WDR1: variants seen among roughly 807,000 people sequenced by gnomAD.
WDR1 encodes the protein WD repeat domain 1.
In WDR1, 21 loss-of-function variants were observed where a neutral mutation model predicts 71.9. That is an observed-to-expected ratio of 0.29 (90% CI 0.21 to 0.42). WDR1 has a LOEUF of 0.42. Among genes scored for constraint, WDR1 ranks in the 10% least tolerant of loss-of-function variants. The probability of loss-of-function intolerance (pLI) is 1.00; values close to 1 mark genes in which losing one functional copy is unlikely to be tolerated. For missense variants in WDR1, 696 were observed against 824.5 expected (o/e 0.84, Z 1.91); for synonymous variants, 424 against 347.4 (o/e 1.22, Z -2.45).
chr4:10,100,825 C>T (rs1205818555), intron 3 of WDR1, among the ~76,000 whole-genome samples: 1 of 152,226 alleles, frequency 6.6e-6, no homozygotes, highest in South Asian at 2.1e-4. Flanking sequence ...CGGAGGGGAG[C>T]ACTGTGTGTG....
chr4:10,078,786 C>A, intron 12 of WDR1, 105 bp downstream of exon 12: 1 of 968,450 alleles, frequency 1.0e-6, no homozygotes, highest in South Asian at 1.7e-5. Flanking sequence ...TTCCCCTGAC[C>A]CCTCGCCTTC....
At chr4:10,098,126 G>C (rs1476777917) in intron 4 of WDR1, among the ~76,000 whole-genome samples, 1 of 152,126 alleles carries the variant, frequency 6.6e-6, no homozygotes, top group Non-Finnish European at 1.5e-5. Flanking sequence ...TCGGGAAGGG[G>C]ATGCATGTGT....
At chr4:10,110,489 G>GA (rs1713283678) in intron 2 of WDR1, among the ~76,000 whole-genome samples, 1 of 152,216 alleles carries the variant, frequency 6.6e-6, no homozygotes, top group Non-Finnish European at 1.5e-5. Context: ...GGAGGCCACA[G>GA]TGGGGCTGAG....
chr4:10,105,552 G>A (rs967644137), intron 2 of WDR1, among the ~76,000 whole-genome samples: 1 of 152,160 alleles, frequency 6.6e-6, no homozygotes, highest in African/African-American at 2.4e-5. Context: ...GGAAATGCAA[G>A]TCAAAACTAC....
chr4:10,082,737 G>T (rs1057325315), intron 10 of WDR1, among the ~76,000 whole-genome samples: 1 of 152,208 alleles, frequency 6.6e-6, no homozygotes, highest in Non-Finnish European at 1.5e-5. Flanking sequence ...GGGAGAGACC[G>T]CAGCAGGTTC....
chr4:10,078,761 C>T (rs1027471466), intron 12 of WDR1, 130 bp downstream of exon 12: 22 of 746,582 alleles, frequency 2.9e-5, no homozygotes, highest in South Asian at 7.6e-5. Context: ...TCCCACGCCC[C>T]GACTGCCCCC....
chr4:10,092,721 G>A (rs1712075299), intron 5 of WDR1: 4 of 249,082 alleles, frequency 1.6e-5, no homozygotes, highest in Non-Finnish European at 2.5e-5. Flanking sequence ...CAAAAAAAGC[G>A]AGGGCTAAAA....
intron 5 of WDR1, chr4:10,092,376 C>A (rs1712047262): frequency 6.6e-6 from 1 of 152,422 alleles, no homozygotes; most frequent in Non-Finnish European, 1.5e-5. Flanking sequence ...TCCCTGAGGT[C>A]AAAACATGGA....
At chr4:10,112,651 G>C (rs1713456657) in intron 2 of WDR1, among the ~76,000 whole-genome samples, 1 of 152,204 alleles carries the variant, frequency 6.6e-6, no homozygotes, top group Non-Finnish European at 1.5e-5. Context: ...TCGCCTCTTA[G>C]GTATGAAAGG....
intron 5 of WDR1, chr4:10,094,555 CCT>C (rs1387959353): frequency 1.3e-5 from 2 of 152,190 alleles, no homozygotes; most frequent in African/African-American, 4.8e-5. Flanking sequence ...ACGGTCAGAC[CCT>C]CTGAGGGGAA....
intron 5 of WDR1, among the ~76,000 whole-genome samples, chr4:10,095,333 T>A (rs1290125651): frequency 1.3e-5 from 2 of 152,252 alleles, no homozygotes; most frequent in Non-Finnish European, 2.9e-5. Context: ...GGTTTTAAAA[T>A]CTTTTACTAT....
intron 2 of WDR1, among the ~76,000 whole-genome samples, chr4:10,110,875 TA>T (rs1470991525): frequency 6.6e-6 from 1 of 152,216 alleles, no homozygotes; most frequent in African/African-American, 2.4e-5. Context: ...CGTTGCCAGA[TA>T]TCCCTCAGGG....
Position 10,116,719 on chromosome 4 carries a change from C to G in WDR1, c.-53G>C, listed in dbSNP as rs1448823738. The G allele has an allele frequency of 2.0e-5, 26 of 1,314,148 alleles. No homozygotes were observed. Among genetic ancestry groups the G allele is most frequent in the Non-Finnish European group, 2.4e-5 (25 of 1,029,422 alleles). 81.4% of individuals were successfully genotyped at this position (1,314,148 alleles called of 1,614,324 possible). A position where few individuals can be genotyped will look rare whatever the true frequency, so the allele number is the denominator to read the frequency against. On this transcript the variant is annotated 5_prime_UTR_variant, in exon 1 of 15. Coordinates refer to ENST00000499869, the MANE Select transcript of WDR1 (RefSeq NM_017491.5). The stretch of plus-strand genomic sequence containing the variant: ...TCGCCGAGAGCCTCCGGGGCCGGCC[C>G]GCGCTGCGAATTACACCTCGCCGAG...
intron 14 of WDR1, 29 bp downstream of exon 14, chr4:10,077,274 TC>T: frequency 6.2e-7 from 1 of 1,612,926 alleles, no homozygotes; most frequent in Non-Finnish European, 8.5e-7. Context: ...CCATGGGTGG[TC>T]CCTGCCAAGG....
chr4:10,094,145 G>A (rs1436525589), intron 5 of WDR1, among the ~76,000 whole-genome samples: 2 of 152,180 alleles, frequency 1.3e-5, no homozygotes, highest in Non-Finnish European at 2.9e-5. Flanking sequence ...TGTTAGATCT[G>A]GCAGTGAGTT....
Position 10,077,290 on chromosome 4 carries a change from G to A in WDR1, c.1714+14C>T, listed in dbSNP as rs753211030. ...CATGGGTGGTCCCTGCCAAGGCCTG[G>A]GGGCGGAAGTCACCTTGGATCTTGA... is the stretch of plus-strand genomic sequence containing the variant. On this transcript the variant is annotated intron_variant, in intron 14 of 14. Transcript: ENST00000499869. 3.1e-6 allele frequency: 5 copies of A among 1,613,636 alleles called. No homozygotes were observed. Among genetic ancestry groups the A allele is most frequent in the Admixed American group, 3.3e-5 (2 of 60,008 alleles).
chr4:10,116,010 C>A, intron 2 of WDR1, 103 bp downstream of exon 2: 1 of 1,481,740 alleles, frequency 6.7e-7, no homozygotes, highest in Non-Finnish European at 9.1e-7. Context: ...CCCTCACCCT[C>A]CCCGGGCCAA....
intron 4 of WDR1, 33 bp downstream of exon 4, chr4:10,098,959 C>T (rs1712521512): frequency 2.5e-6 from 4 of 1,613,088 alleles, no homozygotes; most frequent in Non-Finnish European, 3.4e-6. Context: ...GCCACAGCAA[C>T]AGGGCAGGGA....
In WDR1 at chr4:10,079,026, C is replaced by T. The variant is rs1031702102; in HGVS notation, c.1285-25G>A. 2.6e-6 allele frequency: 4 copies of T among 1,567,744 alleles called. No individual in the cohort carries two copies. In the Admixed American group the frequency reaches 5.2e-5, roughly 21 times the overall value. On this transcript the variant is annotated intron_variant, in intron 11 of 14. Coordinates refer to ENST00000499869, the MANE Select transcript of WDR1 (RefSeq NM_017491.5). ...TCTGTGGCACACACAGGCAGCTGGTCAGGCGGTCCAGCCCTTCGGGACAAA... is the reference window on the plus strand; with the variant it reads ...TCTGTGGCACACACAGGCAGCTGGTTAGGCGGTCCAGCCCTTCGGGACAAA...
Sources: gnomAD v4.1 joint callset for allele counts (sites outside exome capture counted in the v4.1 genomes callset) on GRCh38, gnomAD v4.1.1 for gene constraint, MANE v1.5 for transcripts, NCBI Gene and HGNC (gene_info 2026-07-23, HGNC 2026-07-21) for gene names.